The following JPH2 variants were observed in gnomAD, a reference collection of about 807,000 sequenced individuals.
JPH2 encodes junctophilin 2.
A neutral mutation model predicts 55.9 loss-of-function variants in JPH2; 38 were observed. The ratio of observed to expected loss-of-function variants is 0.68; its 90% CI spans 0.52 to 0.89. The LOEUF (loss-of-function observed/expected upper bound fraction) is 0.89. JPH2 is among the 40% of genes least tolerant of loss of function. JPH2 has a pLI of 0.00. For synonymous variants in JPH2, 480 were observed against 472.4 expected (o/e 1.02, Z -0.21); for missense variants, 964 against 1,037.6 (o/e 0.93, Z 0.97).
At chr20:44,144,042 C>A (rs537439180) in intron 2 of JPH2, among the ~76,000 whole-genome samples, 2 of 152,304 alleles carry the variant, frequency 1.3e-5, no homozygotes, top group East Asian at 3.9e-4. Flanking sequence ...GAACCAGCCT[C>A]GCCAAGTTCC....
At position 44,110,699 on chromosome 20, in the gene JPH2, C is replaced by T. The variant is rs1332725982; in HGVS notation, c.*2819G>A. Among the ~76,000 whole-genome samples, 1 of 152,212 alleles carries T rather than the reference C, an allele frequency of 6.6e-6. No individual in the cohort carries two copies. The highest frequency in any genetic ancestry group is 1.5e-5 in the Non-Finnish European group (1 of 68,050). ...ACCTGCCTCAGCCTCCTCTAACGTG[C>T]TGGAATTATAGGTGTGAGCCACCAT... is the stretch of plus-strand genomic sequence containing the variant. On this transcript the variant is annotated 3_prime_UTR_variant, in exon 6 of 6. Transcript: ENST00000372980.
At chr20:44,176,194 T>C (rs936164691) in intron 1 of JPH2, among the ~76,000 whole-genome samples, 3 of 152,190 alleles carry the variant, frequency 2.0e-5, no homozygotes, top group African/African-American at 7.2e-5. Flanking sequence ...CCAGTCATAA[T>C]GTAATAAACT....
At chr20:44,152,833 C>T (rs1182910230) in intron 2 of JPH2, among the ~76,000 whole-genome samples, 1 of 152,202 alleles carries the variant, frequency 6.6e-6, no homozygotes, top group South Asian at 2.1e-4. Flanking sequence ...AAATCTCTTG[C>T]CAGTTTCTCT....
At chr20:44,128,092 G>T (rs2072290404) in intron 2 of JPH2, among the ~76,000 whole-genome samples, 1 of 152,114 alleles carries the variant, frequency 6.6e-6, no homozygotes, top group Middle Eastern at 3.4e-3. Context: ...TTCCTTTGAA[G>T]TACAAAAGTT....
intron 2 of JPH2, among the ~76,000 whole-genome samples, chr20:44,126,565 A>G (rs2072278751): frequency 1.3e-5 from 2 of 152,242 alleles, no homozygotes; most frequent in East Asian, 1.9e-4. Flanking sequence ...AATCTAGAGG[A>G]AGGACCACAG....
chr20:44,143,241 T>C (rs1297477773), intron 2 of JPH2, among the ~76,000 whole-genome samples: 1 of 152,092 alleles, frequency 6.6e-6, no homozygotes, highest in Non-Finnish European at 1.5e-5. Flanking sequence ...GGAAGGGACT[T>C]GGGGGCCAAA....
At chr20:44,150,103 T>C (rs2072521579) in intron 2 of JPH2, among the ~76,000 whole-genome samples, 1 of 151,820 alleles carries the variant, frequency 6.6e-6, no homozygotes, top group Non-Finnish European at 1.5e-5. Context: ...TCTGAATCCA[T>C]TTGAGACAGA....
chr20:44,177,458 T>C, intron 1 of JPH2: 3 of 992,058 alleles, frequency 3.0e-6, no homozygotes, highest in Non-Finnish European at 3.6e-6. Flanking sequence ...ATCGGGCACA[T>C]GAATCACTGA....
At chr20:44,135,127 T>C (rs1474217703) in intron 2 of JPH2, among the ~76,000 whole-genome samples, 7 of 151,454 alleles carry the variant, frequency 4.6e-5, no homozygotes, top group African/African-American at 1.5e-4. Flanking sequence ...CCCAGCTAGA[T>C]GCTAACCCCG....
At chr20:44,182,534 T>G (rs2072793555) in intron 1 of JPH2, among the ~76,000 whole-genome samples, 1 of 152,304 alleles carries the variant, frequency 6.6e-6, no homozygotes, top group African/African-American at 2.4e-5. Flanking sequence ...CAGGCCACGA[T>G]GTCTGCACCC....
At chr20:44,183,916 C>T (rs1469305904) in intron 1 of JPH2, among the ~76,000 whole-genome samples, 1 of 151,952 alleles carries the variant, frequency 6.6e-6, no homozygotes, top group Non-Finnish European at 1.5e-5. Context: ...CTTTGGGAGT[C>T]CAAGGCAGGT....
intron 2 of JPH2, among the ~76,000 whole-genome samples, chr20:44,119,387 C>A (rs2072218618): frequency 6.6e-6 from 1 of 152,196 alleles, no homozygotes; most frequent in African/African-American, 2.4e-5. Flanking sequence ...GAGAAGGCTA[C>A]ATTTCAGTTG....
chr20:44,119,015 G>T (rs1346541633), intron 2 of JPH2, among the ~76,000 whole-genome samples: 1 of 152,216 alleles, frequency 6.6e-6, no homozygotes, highest in Non-Finnish European at 1.5e-5. Flanking sequence ...CTTAACTTCT[G>T]TGTCACAGAT....
chr20:44,173,588 C>G (rs532298229), intron 1 of JPH2, among the ~76,000 whole-genome samples: 8 of 152,314 alleles, frequency 5.3e-5, no homozygotes, highest in Admixed American at 2.0e-4. Context: ...TACGATAATA[C>G]CATTGTCCTA....
At chr20:44,177,077 C>A in intron 1 of JPH2, 1 of 985,518 alleles carries the variant, frequency 1.0e-6, no homozygotes, top group Non-Finnish European at 1.2e-6. Flanking sequence ...AGGCACAGAT[C>A]TGTGCCAGGC....
intron 2 of JPH2, among the ~76,000 whole-genome samples, chr20:44,134,461 A>T (rs980156408): frequency 0.091 from 2 of 22 alleles, no homozygotes; most frequent in South Asian, 0.5. Context: ...ATTTATTATA[A>T]ATATATATAA....
chr20:44,176,554 C>T (rs953136417), intron 1 of JPH2, among the ~76,000 whole-genome samples: 1 of 151,954 alleles, frequency 6.6e-6, no homozygotes, highest in Non-Finnish European at 1.5e-5. Context: ...ATAATCCCAG[C>T]AATTTGGGAA....
chr20:44,151,686 C>T (rs544164299), intron 2 of JPH2, among the ~76,000 whole-genome samples: 20 of 152,082 alleles, frequency 1.3e-4, no homozygotes, highest in Non-Finnish European at 2.5e-4. Flanking sequence ...CACAAGCCTG[C>T]GGCCTGCCTG....
At position 44,159,940 on chromosome 20, in the gene JPH2, T is replaced by C; in HGVS notation, c.847A>G (p.Ile283Val). The C allele has an allele frequency of 1.2e-6, 2 of 1,607,932 alleles. No individual in the cohort carries two copies. The highest frequency in any genetic ancestry group is 1.7e-6 in the Non-Finnish European group (2 of 1,178,550). Residue 283 changes from isoleucine (I) to valine (V), a missense_variant, in exon 2 of 6, where the codon ATC becomes GTC. Ile to Val is a conservative substitution (Grantham distance 29, BLOSUM62 3). Coordinates refer to ENST00000372980, the MANE Select transcript of JPH2 (RefSeq NM_020433.5). This position sits in a 1 kb window ranked among gnomAD's most constrained non-coding sequence, Gnocchi z 5.7. ...ADEAAPFEADIDATTTETYMG... is the reference protein window; with the variant it reads ...ADEAAPFEADVDATTTETYMG... The stretch of plus-strand genomic sequence containing the variant: ...TAGGTCTCGGTGGTGGTGGCGTCGA[T>C]ATCGGCCTCGAAGGGTGCGGCCTCG...
Sources: gnomAD v4.1 joint callset for allele counts (sites outside exome capture counted in the v4.1 genomes callset) on GRCh38, gnomAD v4.1.1 for gene constraint, Gnocchi (gnomAD v3.1) non-coding constraint, MANE v1.5 for transcripts, NCBI Gene and HGNC (gene_info 2026-07-23, HGNC 2026-07-21) for gene names.